The following CFAP47 variants were observed in gnomAD, a reference collection of about 807,000 sequenced individuals.
CFAP47 encodes cilia and flagella associated protein 47.
A neutral mutation model predicts 148.1 loss-of-function variants in CFAP47; 29 were observed. The observed-to-expected ratio is 0.20, with a 90% confidence interval of 0.15 to 0.27. CFAP47 has a LOEUF of 0.27. Among genes scored for constraint, CFAP47 ranks in the 10% least tolerant of loss-of-function variants. The probability of loss-of-function intolerance (pLI) is 1.00; values close to 1 mark genes in which losing one functional copy is unlikely to be tolerated. For missense variants in CFAP47, 1,872 were observed against 1,697.5 expected, an observed-to-expected ratio of 1.10 and a Z score of -1.81; for synonymous variants, 664 against 577.3, an observed-to-expected ratio of 1.15 and a Z score of -2.15.
At chrX:36,345,576 C>T (rs1941690524) in intron 57 of CFAP47, among the ~76,000 whole-genome samples, 1 of 111,602 alleles carries the variant, frequency 9.0e-6, no homozygotes, top group Non-Finnish European at 1.9e-5. Flanking sequence ...ACTGGTCCAC[C>T]GCCTGGGGGT....
At chrX:36,008,952 C>A (rs1937010524) in intron 21 of CFAP47, among the ~76,000 whole-genome samples, 2 of 110,732 alleles carry the variant, frequency 1.8e-5, no homozygotes, top group African/African-American at 6.6e-5. Context: ...TATCCGGTAC[C>A]CTACTCATCT....
chrX:36,350,337 T>C (rs1941733360), intron 59 of CFAP47, among the ~76,000 whole-genome samples: 1 of 111,665 alleles, frequency 9.0e-6, no homozygotes, highest in African/African-American at 3.3e-5. Flanking sequence ...TGCCTTCCTG[T>C]TGGTGAAATG....
intron 49 of CFAP47, among the ~76,000 whole-genome samples, chrX:36,267,588 C>T (rs1940908776): frequency 9.3e-6 from 1 of 107,785 alleles, no homozygotes; most frequent in African/African-American, 3.4e-5. Context: ...ACGCCATTCT[C>T]CTGCCTCAGC....
intron 21 of CFAP47, among the ~76,000 whole-genome samples, chrX:36,008,166 T>A (rs1039550491): frequency 9.0e-6 from 1 of 111,268 alleles, no homozygotes; most frequent in African/African-American, 3.3e-5. Flanking sequence ...CCTCTTTATT[T>A]CAGTCATTCT....
rs200212863 is a variant in CFAP47, at chrX:36,331,259, A to AT, written c.8443+11960dup. Among the ~76,000 whole-genome samples the AT allele has an allele frequency of 8.0e-4, 88 of 110,377 alleles. 2 individuals are homozygous for AT. In the East Asian group the frequency reaches 0.015, roughly 19 times the overall value. On this transcript the variant is annotated intron_variant, in intron 57 of 63. Coordinates refer to ENST00000378653, the MANE Select transcript of CFAP47 (RefSeq NM_001304548.2). The stretch of plus-strand genomic sequence containing the variant: ...CTTGAAATGTTATATTCACTTGACT[A>AT]TTTTTTTTCTAATCTGTCATTGTTC...
intron 57 of CFAP47, among the ~76,000 whole-genome samples, chrX:36,331,048 T>C (rs1212704985): frequency 9.0e-6 from 1 of 111,649 alleles, no homozygotes; most frequent in African/African-American, 3.3e-5. Flanking sequence ...TTGTCTGTAT[T>C]AACTGTCTGT....
At chrX:36,235,344 C>G (rs951816935) in intron 46 of CFAP47, among the ~76,000 whole-genome samples, 1 of 112,380 alleles carries the variant, frequency 8.9e-6, no homozygotes, top group Non-Finnish European at 1.9e-5. Context: ...CCCCCAGCCT[C>G]GCTGCTGCCT....
At chrX:36,074,056 G>A (rs1259006010) in intron 29 of CFAP47, among the ~76,000 whole-genome samples, 2 of 111,286 alleles carry the variant, frequency 1.8e-5, no homozygotes, top group Non-Finnish European at 3.8e-5. Context: ...CTCTATATTC[G>A]AGTGACCTAG....
intron 2 of CFAP47, among the ~76,000 whole-genome samples, chrX:35,939,734 G>T (rs1191853540): frequency 4.2e-5 from 4 of 94,825 alleles, no homozygotes; most frequent in Admixed American, 3.7e-4. Flanking sequence ...TTGCTATTGT[G>T]AATAGTGCCG....
chrX:36,350,487 T>G lies in CFAP47; in HGVS notation c.8698+355T>G, dbSNP rs782388719. Among the ~76,000 whole-genome samples the G allele has an allele frequency of 6.3e-5, 7 of 111,035 alleles. No individual in the cohort carries two copies. In the South Asian group the frequency reaches 2.7e-3, roughly 42 times the overall value. On this transcript the variant is annotated intron_variant, in intron 59 of 63. Coordinates refer to ENST00000378653, the MANE Select transcript of CFAP47 (RefSeq NM_001304548.2). ...TCCTTTTTCGGCTTCTGTGTAACTC[T>G]CGATCTCATCTAAGAACTATGCTGT...
chrX:36,055,921 C>CT (rs1365561352), intron 26 of CFAP47, among the ~76,000 whole-genome samples: 20 of 106,632 alleles, frequency 1.9e-4, no homozygotes, highest in South Asian at 1.2e-3. Context: ...TGATGTTGAG[C>CT]TTTTTTTTTT....
At chrX:35,954,846 A>G (rs1936220718) in intron 7 of CFAP47, among the ~76,000 whole-genome samples, 1 of 111,931 alleles carries the variant, frequency 8.9e-6, no homozygotes, top group Non-Finnish European at 1.9e-5. Flanking sequence ...GTCTCCCACA[A>G]TGACTGAGTG....
intron 48 of CFAP47, among the ~76,000 whole-genome samples, chrX:36,239,806 G>A (rs1420280608): frequency 8.9e-6 from 1 of 111,838 alleles, no homozygotes; most frequent in Non-Finnish European, 1.9e-5. Flanking sequence ...ACATGCCTGA[G>A]AGAGTCCTAA....
At position 36,068,537 on chromosome X, in the gene CFAP47, A is replaced by T. The variant is rs138258309; in HGVS notation, c.4318+2794A>T. ...TAAAAGAATGGGTTATATGTGAAATAGCATATTCTGAACACCAAAAAATTA... is the reference window on the plus strand; with the variant it reads ...TAAAAGAATGGGTTATATGTGAAATTGCATATTCTGAACACCAAAAAATTA... On this transcript the variant is annotated intron_variant, in intron 27 of 63. Coordinates refer to ENST00000378653, the MANE Select transcript of CFAP47 (RefSeq NM_001304548.2). Among the ~76,000 whole-genome samples the T allele has an allele frequency of 8.0e-5, 9 of 112,524 alleles. 1 individual carries two copies. In the East Asian group the frequency reaches 2.2e-3, roughly 28 times the overall value.
At chrX:36,074,251 A>G (rs1474572866) in intron 29 of CFAP47, among the ~76,000 whole-genome samples, 1 of 111,876 alleles carries the variant, frequency 8.9e-6, no homozygotes, top group Non-Finnish European at 1.9e-5. Flanking sequence ...TTATTGAAAC[A>G]TTTTTTGGAA....
At chrX:36,023,321 C>G (rs1274217620) in intron 22 of CFAP47, among the ~76,000 whole-genome samples, 1 of 112,045 alleles carries the variant, frequency 8.9e-6, no homozygotes, top group African/African-American at 3.2e-5. Context: ...CAGAGTCTCT[C>G]TCTCTGTTCT....
At chrX:36,363,465 G>A (rs1941845725) in intron 61 of CFAP47, among the ~76,000 whole-genome samples, 1 of 111,567 alleles carries the variant, frequency 9.0e-6, no homozygotes, top group Non-Finnish European at 1.9e-5. Context: ...TAAACATACA[G>A]TATTATAATC....
At chrX:35,973,952 C>T (rs1335458210) in intron 13 of CFAP47, among the ~76,000 whole-genome samples, 2 of 111,993 alleles carry the variant, frequency 1.8e-5, no homozygotes, top group Non-Finnish European at 3.8e-5. Flanking sequence ...ATTGAATGAC[C>T]ACCATATACT....
chrX:35,975,063 C>G, intron 13 of CFAP47, 84 bp from the exon 14 acceptor site: 1 of 551,442 alleles, frequency 1.8e-6, no homozygotes, highest in Non-Finnish European at 2.7e-6. Flanking sequence ...ATTGGTTGAT[C>G]AAAATATATT....
Sources: gnomAD v4.1 joint callset for allele counts (sites outside exome capture counted in the v4.1 genomes callset) on GRCh38, gnomAD v4.1.1 for gene constraint, MANE v1.5 for transcripts, NCBI Gene and HGNC (gene_info 2026-07-23, HGNC 2026-07-21) for gene names.